Variants in FRMD3 observed in about 807,000 individuals in gnomAD.
FRMD3 encodes the protein FERM domain-containing protein 3.
In FRMD3, 33 loss-of-function variants were observed where a neutral mutation model predicts 70.2. The observed-to-expected ratio is 0.47, with a 90% CI of 0.36 to 0.63. The LOEUF (loss-of-function observed/expected upper bound fraction) is 0.63. Ranked by LOEUF, FRMD3 falls within the 20% of genes least tolerant of loss-of-function variation. The pLI is 0.00. For missense variants in FRMD3, 632 were observed against 711.4 expected (o/e 0.89, Z 1.27); for synonymous variants, 279 against 255.9 (o/e 1.09, Z -0.86).
chr9:83,298,598 G>A, intron 12 of FRMD3, 150 bp downstream of exon 12: 2 of 641,102 alleles, frequency 3.1e-6, no homozygotes, highest in South Asian at 2.0e-5. Flanking sequence ...CTCATGCCAT[G>A]GCCCAGGCAA....
chr9:83,385,385 T>G (rs974073393), intron 2 of FRMD3, among the ~76,000 whole-genome samples: 2 of 152,118 alleles, frequency 1.3e-5, no homozygotes, highest in Non-Finnish European at 2.9e-5. Context: ...CTGGCCAGTA[T>G]TCAACCTATC....
At chr9:83,452,539 T>A (rs1827694656) in intron 1 of FRMD3, among the ~76,000 whole-genome samples, 1 of 152,126 alleles carries the variant, frequency 6.6e-6, no homozygotes, top group Non-Finnish European at 1.5e-5. Flanking sequence ...TGGAGTGCAG[T>A]GGTGCGATCT....
At chr9:83,496,803 A>C (rs1828953613) in intron 1 of FRMD3, among the ~76,000 whole-genome samples, 1 of 152,142 alleles carries the variant, frequency 6.6e-6, no homozygotes, top group African/African-American at 2.4e-5. Flanking sequence ...AAACAAAACA[A>C]ATGAGTGTAC....
chr9:83,321,485 T>G (rs1448799835), intron 6 of FRMD3, among the ~76,000 whole-genome samples: 1 of 152,238 alleles, frequency 6.6e-6, no homozygotes, highest in African/African-American at 2.4e-5. Context: ...TTGTACAGTT[T>G]CAAGCATTCC....
chr9:83,528,635 TCCTC>T (rs1031868603), intron 1 of FRMD3, among the ~76,000 whole-genome samples: 1 of 151,968 alleles, frequency 6.6e-6, no homozygotes. Flanking sequence ...GCTTAAGCAA[TCCTC>T]CCACCTCAGC....
intron 1 of FRMD3, among the ~76,000 whole-genome samples, chr9:83,502,091 T>C (rs1448538995): frequency 6.6e-6 from 1 of 152,204 alleles, no homozygotes; most frequent in Non-Finnish European, 1.5e-5. Flanking sequence ...TTTTTAGGTA[T>C]GGACCTGGGG....
intron 13 of FRMD3, among the ~76,000 whole-genome samples, chr9:83,269,237 TATC>T (rs756023968): frequency 6.6e-6 from 1 of 152,238 alleles, no homozygotes; most frequent in Non-Finnish European, 1.5e-5. Context: ...TCTTTATGTT[TATC>T]ATCATGTTAA....
the FRMD3 span, among the ~76,000 whole-genome samples, chr9:83,550,723 T>TGTGTGTGTGTGTGC: frequency 6.6e-6 from 1 of 150,380 alleles, no homozygotes; most frequent in African/African-American, 2.4e-5. Flanking sequence ...TGTGTGTGTG[T>TGTGTGTGTGTGTGC]GCATTCATGT....
intron 2 of FRMD3, among the ~76,000 whole-genome samples, chr9:83,387,462 C>T (rs1327651845): frequency 6.6e-6 from 1 of 152,160 alleles, no homozygotes; most frequent in Non-Finnish European, 1.5e-5. Flanking sequence ...CAAGACGAGG[C>T]TATAATGAAG....
At chr9:83,515,727 G>A (rs545664812) in intron 1 of FRMD3, among the ~76,000 whole-genome samples, 45 of 152,196 alleles carry the variant, frequency 3.0e-4, no homozygotes, top group Admixed American at 5.2e-4. Context: ...GAGAAAAGTC[G>A]GGTTACCCAC....
intron 3 of FRMD3, among the ~76,000 whole-genome samples, chr9:83,354,085 T>C (rs2375924): frequency 0.86 from 130,785 of 152,120 alleles, 56,760 homozygotes; most frequent in East Asian, 1. Flanking sequence ...CCACAATGCC[T>C]GGCTAATTTT....
At chr9:83,335,048 G>T (rs2131139750) in intron 6 of FRMD3, among the ~76,000 whole-genome samples, 2 of 152,286 alleles carry the variant, frequency 1.3e-5, no homozygotes, top group Middle Eastern at 6.8e-3. Context: ...AAGCATCGCA[G>T]GTGAGAAAAA....
intron 1 of FRMD3, among the ~76,000 whole-genome samples, chr9:83,438,991 C>G (rs1358974262): frequency 6.6e-6 from 1 of 152,162 alleles, no homozygotes; most frequent in East Asian, 1.9e-4. Context: ...ACCTCTTTTG[C>G]AGGAGCTGCA....
chr9:83,426,297 G>A (rs563497700), intron 1 of FRMD3, among the ~76,000 whole-genome samples: 88 of 152,304 alleles, frequency 5.8e-4, no homozygotes, highest in Non-Finnish European at 9.7e-4. Context: ...GCAGCCAGAC[G>A]AAAATCTGTC....
intron 1 of FRMD3, among the ~76,000 whole-genome samples, chr9:83,513,500 G>T (rs1205126628): frequency 6.6e-6 from 1 of 152,138 alleles, no homozygotes; most frequent in Non-Finnish European, 1.5e-5. Flanking sequence ...TGATTAAAAG[G>T]TATGGTTAAC....
intron 13 of FRMD3, among the ~76,000 whole-genome samples, chr9:83,272,093 T>TCTCTGTCTCCCTCTCTCTC (rs981792862): frequency 6.9e-6 from 1 of 143,922 alleles, no homozygotes; most frequent in Non-Finnish European, 1.5e-5. Context: ...TCTCCCTCCA[T>TCTCTGTCTCCCTCTCTCTC]CTCTGTCTCC....
intron 13 of FRMD3, among the ~76,000 whole-genome samples, chr9:83,286,593 A>C (rs1032835868): frequency 1.3e-5 from 2 of 152,160 alleles, no homozygotes; most frequent in African/African-American, 4.8e-5. Context: ...CAGCCTCTGA[A>C]AGTGCTGGGG....
intron 1 of FRMD3, among the ~76,000 whole-genome samples, chr9:83,397,096 T>C: frequency 6.6e-6 from 1 of 152,214 alleles, no homozygotes; most frequent in Non-Finnish European, 1.5e-5. Flanking sequence ...TCAGTCAGCA[T>C]AGCGTTTTGG....
chr9:83,245,580 T>C lies in FRMD3; in HGVS notation c.*2338A>G. 1.1e-5 allele frequency: 9 copies of C among 849,594 alleles called. No homozygotes were observed. The highest frequency in any genetic ancestry group is 1.3e-5 in the Non-Finnish European group (9 of 706,004). 52.6% of individuals were successfully genotyped at this position (849,594 alleles called of 1,614,324 possible). Reference sequence around the variant, plus strand: ...ACTCCTTAAGATAAATCTGCATCGTTGGATTACATGTGATATTTATACTAT... The same window carrying C: ...ACTCCTTAAGATAAATCTGCATCGTCGGATTACATGTGATATTTATACTAT... On this transcript the variant is annotated 3_prime_UTR_variant, in exon 14 of 14. Coordinates refer to ENST00000304195, the MANE Select transcript of FRMD3 (RefSeq NM_174938.6).
Sources: allele counts gnomAD v4.1 joint callset (sites outside exome capture counted in the v4.1 genomes callset), GRCh38; gene constraint gnomAD v4.1.1; transcripts MANE v1.5; gene names NCBI Gene and HGNC (gene_info 2026-07-23, HGNC 2026-07-21).